Variants in NCKAP5 observed in about 807,000 individuals in gnomAD.
NCKAP5 encodes nck-associated protein 5.
Under a neutral mutation model 167.0 loss-of-function variants are expected in NCKAP5, and 92 were observed. The ratio of observed to expected loss-of-function variants is 0.55; its 90% CI spans 0.47 to 0.66. The LOEUF (loss-of-function observed/expected upper bound fraction) is 0.66, where lower values mean the gene tolerates loss of function less well. Ranked by LOEUF, NCKAP5 falls within the 30% of genes least tolerant of loss-of-function variation. The pLI, the probability that NCKAP5 is intolerant of heterozygous loss-of-function variation, is 0.00. For missense variants in NCKAP5, 2,378 were observed against 2,315.0 expected (o/e 1.03, Z -0.56); for synonymous variants, 891 against 877.4 (o/e 1.02, Z -0.27).
intron 3 of NCKAP5, among the ~76,000 whole-genome samples, chr2:133,501,372 G>A (rs190047634): frequency 1.3e-5 from 2 of 152,250 alleles, no homozygotes; most frequent in Non-Finnish European, 2.9e-5. Context: ...ATCTACCTAA[G>A]TGCCATTATA....
chr2:133,091,599 G>C (rs1261847978), intron 6 of NCKAP5, among the ~76,000 whole-genome samples: 1 of 152,112 alleles, frequency 6.6e-6, no homozygotes, highest in African/African-American at 2.4e-5. Flanking sequence ...TTTAAAAAAA[G>C]ATGCTTGGCC....
At chr2:133,088,126 A>T (rs191376795) in intron 6 of NCKAP5, among the ~76,000 whole-genome samples, 1 of 152,210 alleles carries the variant, frequency 6.6e-6, no homozygotes, top group East Asian at 1.9e-4. Flanking sequence ...CTTATTTTTC[A>T]TCTCCAGTTC....
Position 133,243,246 on chromosome 2 carries a change from T to C in NCKAP5, c.144-29467A>G, listed in dbSNP as rs116052232. The stretch of plus-strand genomic sequence containing the variant: ...AACAAAGTTGTACCTAGAGAGAACC[T>C]TTCCTGTAAGTCCCTTTTGAACAAA... On this transcript the variant is annotated intron_variant, in intron 4 of 19. Transcript: ENST00000409261. Among the ~76,000 whole-genome samples, 689 of 152,262 alleles carry C rather than the reference T, an allele frequency of 4.5e-3. 3 individuals are homozygous for C. The highest frequency in any genetic ancestry group is 0.015 in the African/African-American group (635 of 41,556).
chr2:132,677,272 C>T (rs1481467572), intron 19 of NCKAP5, among the ~76,000 whole-genome samples: 6 of 152,042 alleles, frequency 3.9e-5, no homozygotes, highest in Non-Finnish European at 7.4e-5. Flanking sequence ...GATGCAAATA[C>T]ATTTTCAAGC....
At chr2:132,695,292 A>AT in intron 19 of NCKAP5, among the ~76,000 whole-genome samples, 1 of 152,154 alleles carries the variant, frequency 6.6e-6, no homozygotes, top group Non-Finnish European at 1.5e-5. Flanking sequence ...GGAAAAAAAA[A>AT]GTCTGTTATT....
intron 6 of NCKAP5, among the ~76,000 whole-genome samples, chr2:133,064,127 C>A (rs2080106950): frequency 6.6e-6 from 1 of 152,114 alleles, no homozygotes; most frequent in African/African-American, 2.4e-5. Context: ...CTGACATGAT[C>A]AAAAAATGGT....
chr2:133,416,364 T>C (rs982014835), intron 3 of NCKAP5, among the ~76,000 whole-genome samples: 1 of 152,350 alleles, frequency 6.6e-6, no homozygotes, highest in Middle Eastern at 3.4e-3. Flanking sequence ...ATTTGTTTTT[T>C]AGAAATCATT....
At chr2:133,354,340 T>A (rs1684565840) in intron 3 of NCKAP5, among the ~76,000 whole-genome samples, 1 of 151,486 alleles carries the variant, frequency 6.6e-6, no homozygotes, top group Admixed American at 6.6e-5. Context: ...CAGGCTGGAC[T>A]TGAACTCCTG....
chr2:133,478,400 C>G (rs1680131163), intron 3 of NCKAP5, among the ~76,000 whole-genome samples: 1 of 152,126 alleles, frequency 6.6e-6, no homozygotes, highest in Admixed American at 6.6e-5. Context: ...CAAGAGGAAC[C>G]CTGGATTTGG....
chr2:132,804,550 ATTAG>A (rs1324125890), intron 11 of NCKAP5, among the ~76,000 whole-genome samples: 2 of 152,050 alleles, frequency 1.3e-5, no homozygotes, highest in Admixed American at 1.3e-4. Context: ...AACTAAAAGG[ATTAG>A]TTAGTGGAGA....
rs1261920721 is a variant in NCKAP5, at chr2:132,782,018, AG to A, written c.4792del (p.Leu1598Ter). ...RRTPQDIYNQ[L>X]KIEPRNRHSP... ...GTGTCTATTCCTTGGTTCAATCTTC[AG>A]TTGGTTGTAAATGTCTTGTGGTGTT... is the stretch of plus-strand genomic sequence containing the variant. On this transcript the variant is annotated frameshift_variant, in exon 14 of 20. Coordinates refer to ENST00000409261, the MANE Select transcript of NCKAP5 (RefSeq NM_207363.3). LOFTEE classifies it high-confidence loss of function. The A allele has an allele frequency of 6.2e-7, 1 of 1,613,838 alleles. No individual in the cohort carries two copies. The highest frequency in any genetic ancestry group is 1.3e-5 in the African/African-American group (1 of 74,904).
chr2:133,312,542 C>T (rs923657582), intron 3 of NCKAP5, among the ~76,000 whole-genome samples: 1 of 152,092 alleles, frequency 6.6e-6, no homozygotes, highest in African/African-American at 2.4e-5. Flanking sequence ...TCCAGGAAAT[C>T]CCCAGCCTAA....
At chr2:133,366,109 A>G (rs1685441998) in intron 3 of NCKAP5, among the ~76,000 whole-genome samples, 1 of 152,242 alleles carries the variant, frequency 6.6e-6, no homozygotes, top group South Asian at 2.1e-4. Context: ...GAATTGGGAA[A>G]AATAGTTTTG....
intron 6 of NCKAP5, among the ~76,000 whole-genome samples, chr2:133,065,286 TG>T (rs1460642219): frequency 1.3e-5 from 2 of 152,162 alleles, no homozygotes; most frequent in African/African-American, 2.4e-5. Flanking sequence ...AAAGCTCAAA[TG>T]GTAAAAACAG....
intron 6 of NCKAP5, among the ~76,000 whole-genome samples, chr2:133,019,071 T>C (rs1202788863): frequency 6.6e-6 from 1 of 152,226 alleles, no homozygotes; most frequent in Non-Finnish European, 1.5e-5. Flanking sequence ...AGTAGATTCC[T>C]AATTCTTCTA....
rs1024753796 is a variant in NCKAP5, at chr2:132,892,337, C to T, written c.580-13421G>A. Among the ~76,000 whole-genome samples the T allele has an allele frequency of 2.6e-5, 4 of 152,280 alleles. No homozygotes were observed. In the East Asian group the frequency reaches 7.7e-4, roughly 29 times the overall value. ...ACATATCTGAGCTCAAGATACAACACGTATTTTCCAATTATGAGAGAAGCT... is the reference window on the plus strand; with the variant it reads ...ACATATCTGAGCTCAAGATACAACATGTATTTTCCAATTATGAGAGAAGCT... On this transcript the variant is annotated intron_variant, in intron 8 of 19. Coordinates refer to ENST00000409261, the MANE Select transcript of NCKAP5 (RefSeq NM_207363.3).
intron 5 of NCKAP5, among the ~76,000 whole-genome samples, chr2:133,151,942 A>G (rs569818055): frequency 1.3e-5 from 2 of 152,268 alleles, no homozygotes; most frequent in East Asian, 1.9e-4. Context: ...TCCCACCTCA[A>G]TAAAAAACAA....
intron 13 of NCKAP5, among the ~76,000 whole-genome samples, chr2:132,788,766 A>G (rs1022288601): frequency 2.0e-5 from 3 of 152,216 alleles, no homozygotes; most frequent in Admixed American, 6.5e-5. Context: ...AATCAATAAT[A>G]TATTAATTGT....
chr2:132,752,457 G>A (rs898276050), intron 16 of NCKAP5, among the ~76,000 whole-genome samples: 1 of 152,216 alleles, frequency 6.6e-6, no homozygotes, highest in Non-Finnish European at 1.5e-5. Flanking sequence ...TAGGGCCCCT[G>A]TACCACTGTT....
Sources: allele counts gnomAD v4.1 joint callset (sites outside exome capture counted in the v4.1 genomes callset), GRCh38; gene constraint gnomAD v4.1.1; transcripts MANE v1.5; gene names NCBI Gene and HGNC (gene_info 2026-07-23, HGNC 2026-07-21).